The following XKR4 variants were observed in gnomAD, a reference collection of about 807,000 sequenced individuals.
XKR4 encodes XK related 4.
A neutral mutation model predicts 53.9 loss-of-function variants in XKR4; 12 were observed. The ratio of observed to expected loss-of-function variants is 0.22; its 90% confidence interval spans 0.14 to 0.36. The LOEUF is 0.36. Ranked by LOEUF, XKR4 falls within the 10% of genes least tolerant of loss-of-function variation. XKR4 has a pLI of 1.00. For missense variants in XKR4, 799 were observed against 859.5 expected (o/e 0.93, Z 0.88); for synonymous variants, 354 against 362.4 (o/e 0.98, Z 0.26).
rs899032341 is a variant in XKR4, at chr8:55,450,920, C to A, written c.1007-72361C>A. ...GCAGCAGCTTGTGGATCTGAATCAGCCACTCTGAGTCCTCCAGCAAGCGCA... is the reference window on the plus strand; with the variant it reads ...GCAGCAGCTTGTGGATCTGAATCAGACACTCTGAGTCCTCCAGCAAGCGCA... On this transcript the variant is annotated intron_variant, in intron 2 of 2. Transcript: ENST00000327381. 8 of 484,422 alleles carry A rather than the reference C, an allele frequency of 1.7e-5. No homozygotes were observed. The Admixed American group carries it at 2.2e-4, about 13-fold the overall frequency. The allele number at this position is 484,422 out of a possible 1,614,324, so 30.0% of individuals were successfully genotyped here. A position where few individuals can be genotyped will look rare whatever the true frequency, so the allele number is the denominator to read the frequency against.
intron 2 of XKR4, among the ~76,000 whole-genome samples, chr8:55,490,866 C>T (rs1019786842): frequency 1.3e-5 from 2 of 152,004 alleles, no homozygotes; most frequent in Non-Finnish European, 2.9e-5. Context: ...TGTTGAGAAC[C>T]TTGGTTTACA....
At chr8:55,197,909 A>G (rs34787478) in intron 1 of XKR4, among the ~76,000 whole-genome samples, 1 of 152,102 alleles carries the variant, frequency 6.6e-6, no homozygotes, top group Non-Finnish European at 1.5e-5. Context: ...ACAGTAAAAA[A>G]TTTTCACTGA....
intron 2 of XKR4, among the ~76,000 whole-genome samples, chr8:55,418,326 C>A (rs989265018): frequency 7.2e-5 from 11 of 152,202 alleles, no homozygotes; most frequent in Non-Finnish European, 1.2e-4. Context: ...TGGTTCTCTG[C>A]AAACACTTTC....
At chr8:55,350,140 C>A (rs1355436634) in intron 1 of XKR4, among the ~76,000 whole-genome samples, 2 of 152,208 alleles carry the variant, frequency 1.3e-5, no homozygotes, top group Non-Finnish European at 2.9e-5. Flanking sequence ...AATACCTTAT[C>A]ATTGGGCATT....
intron 1 of XKR4, among the ~76,000 whole-genome samples, chr8:55,151,618 C>T (rs1816841491): frequency 6.6e-6 from 1 of 152,020 alleles, no homozygotes; most frequent in Admixed American, 6.6e-5. Context: ...AAAAGTAATA[C>T]ATATTTCTTG....
chr8:55,413,734 T>A (rs1374049087), intron 2 of XKR4, among the ~76,000 whole-genome samples: 1 of 152,200 alleles, frequency 6.6e-6, no homozygotes. Context: ...ACTCAAGCGA[T>A]ATTGATGTAG....
intron 1 of XKR4, chr8:55,164,550 AG>A: frequency 2.4e-6 from 1 of 420,940 alleles, no homozygotes; most frequent in Non-Finnish European, 4.8e-6. Context: ...TTTTACATTG[AG>A]GGTAGTGCTT....
chr8:55,218,933 C>A (rs926741810), intron 1 of XKR4, among the ~76,000 whole-genome samples: 4 of 152,002 alleles, frequency 2.6e-5, no homozygotes, highest in African/African-American at 7.2e-5. Flanking sequence ...TGAAACACCT[C>A]CAAGGTTCAG....
intron 1 of XKR4, among the ~76,000 whole-genome samples, chr8:55,218,712 C>CA (rs1563485952): frequency 6.6e-6 from 1 of 152,166 alleles, no homozygotes; most frequent in Non-Finnish European, 1.5e-5. Context: ...AGTCACAAGG[C>CA]ACCTTTATAG....
intron 1 of XKR4, among the ~76,000 whole-genome samples, chr8:55,211,870 C>A (rs537237833): frequency 2.6e-5 from 4 of 152,296 alleles, no homozygotes; most frequent in African/African-American, 9.6e-5. Context: ...CCCAGAGGAT[C>A]CTGAGAACAT....
At position 55,500,896 on chromosome 8, in the gene XKR4, C is replaced by T. The variant is rs1585608329; in HGVS notation, c.1007-22385C>T. On this transcript the variant is annotated intron_variant, in intron 2 of 2. Coordinates refer to ENST00000327381, the MANE Select transcript of XKR4 (RefSeq NM_052898.2). ...ACCCAGGTTCAAAATACAGCCTTTG[C>T]CATTATACACACATGCCTACAAGTA... 3.3e-5 allele frequency among the ~76,000 whole-genome samples: 5 copies of T among 152,280 alleles called. 1 individual carries two copies. Among genetic ancestry groups the T allele is most frequent in the Admixed American group, 3.3e-4 (5 of 15,292 alleles).
In XKR4 at chr8:55,534,099, G is replaced by A. The variant is rs564500517; in HGVS notation, c.*9872G>A. 6.6e-6 allele frequency: 1 copy of A among 152,182 alleles called. No individual in the cohort carries two copies. Among genetic ancestry groups the A allele is most frequent in the South Asian group, 2.1e-4 (1 of 4,820 alleles). The allele number at this position is 152,182 out of a possible 1,614,324, so 9.4% of individuals were successfully genotyped here. ...TCTGTTGAATAATTGATCTGTCTGAGTACAGTTGCTGCTTTTATTTCATTT... is the reference window on the plus strand; with the variant it reads ...TCTGTTGAATAATTGATCTGTCTGAATACAGTTGCTGCTTTTATTTCATTT... On this transcript the variant is annotated 3_prime_UTR_variant, in exon 3 of 3. Transcript: ENST00000327381.
Position 55,102,694 on chromosome 8 carries a change from C to T in XKR4, c.206C>T (p.Ala69Val). The T allele has an allele frequency of 8.5e-7, 1 of 1,175,802 alleles. No homozygotes were observed. The highest frequency in any genetic ancestry group is 1.1e-6 in the Non-Finnish European group (1 of 946,572). The allele number at this position is 1,175,802 out of a possible 1,614,324, so 72.8% of individuals were successfully genotyped here. Reference sequence around the variant, plus strand: ...TGCTCGCGCTGCTGCTGCTGCTGCGCCGGGAGTGGCGGCTCCGCGGGCTCG... The same window carrying T: ...TGCTCGCGCTGCTGCTGCTGCTGCGTCGGGAGTGGCGGCTCCGCGGGCTCG... Reference protein sequence around the residue: ...GGCSRCCCCCAGSGGSAGSGG... With the variant: ...GGCSRCCCCCVGSGGSAGSGG... Residue 69 changes from alanine to valine, a missense_variant, in exon 1 of 3, where the codon GCC (alanine) becomes GTC (valine). Physicochemically the swap from Ala to Val is moderately conservative, Grantham distance 64. Coordinates refer to ENST00000327381, the MANE Select transcript of XKR4 (RefSeq NM_052898.2). The surrounding 1 kb of genome is among the most constrained non-coding windows in gnomAD (Gnocchi z 5.1).
intron 1 of XKR4, among the ~76,000 whole-genome samples, chr8:55,193,463 C>A (rs566710246): frequency 1.3e-5 from 2 of 152,184 alleles, no homozygotes; most frequent in Non-Finnish European, 2.9e-5. Context: ...TCTCTCTATC[C>A]GGCTGAGGCT....
chr8:55,170,570 A>G (rs1479745464), intron 1 of XKR4, among the ~76,000 whole-genome samples: 1 of 152,212 alleles, frequency 6.6e-6, no homozygotes, highest in Admixed American at 6.5e-5. Flanking sequence ...CAGAGCTGTA[A>G]GCAAAGTAAA....
chr8:55,408,464 G>A (rs755070232), intron 2 of XKR4, among the ~76,000 whole-genome samples: 26 of 152,324 alleles, frequency 1.7e-4, no homozygotes, highest in Middle Eastern at 6.8e-3. Flanking sequence ...GTGGCCCAGG[G>A]AACCGCAGCA....
At chr8:55,294,303 G>A (rs867221045) in intron 1 of XKR4, among the ~76,000 whole-genome samples, 1 of 152,086 alleles carries the variant, frequency 6.6e-6, no homozygotes, top group South Asian at 2.1e-4. Flanking sequence ...TCTTTACAAG[G>A]CCACTTGATT....
At chr8:55,121,833 T>TAC (rs35625262) in intron 1 of XKR4, among the ~76,000 whole-genome samples, 7,058 of 148,742 alleles carry the variant, frequency 0.047, 305 homozygotes, top group African/African-American at 0.12. Flanking sequence ...AATACAACAT[T>TAC]ACACACACAC....
At chr8:55,476,652 G>A (rs144422802) in intron 2 of XKR4, among the ~76,000 whole-genome samples, 3 of 152,164 alleles carry the variant, frequency 2.0e-5, no homozygotes, top group African/African-American at 7.2e-5. Flanking sequence ...TCAAAGAAAG[G>A]GGTGACAGAC....
Sources: allele counts gnomAD v4.1 joint callset (sites outside exome capture counted in the v4.1 genomes callset), GRCh38; gene constraint gnomAD v4.1.1; non-coding constraint Gnocchi (gnomAD v3.1); transcripts MANE v1.5; gene names NCBI Gene and HGNC (gene_info 2026-07-23, HGNC 2026-07-21).